AKR1C3: variants seen among roughly 807,000 people sequenced by gnomAD.
AKR1C3 encodes aldo-keto reductase family 1 member C3, also known as 3-alpha hydroxysteroid dehydrogenase, type II.
A neutral mutation model predicts 43.6 loss-of-function variants in AKR1C3; 48 were observed. That is an observed-to-expected ratio of 1.10 (90% confidence interval 0.87 to 1.40). The LOEUF (loss-of-function observed/expected upper bound fraction) is 1.40, where lower values mean the gene tolerates loss of function less well. Ranked by LOEUF, AKR1C3 falls within the 40% of genes most tolerant of loss-of-function variation. The pLI is 0.00. For missense variants in AKR1C3, 482 were observed against 391.2 expected, an observed-to-expected ratio of 1.23 and a Z score of -1.96; for synonymous variants, 162 against 139.6, an observed-to-expected ratio of 1.16 and a Z score of -1.13.
chr10:5,084,873 C>T (rs1311388491), intron 1 of AKR1C3, among the ~76,000 whole-genome samples: 8 of 152,092 alleles, frequency 5.3e-5, no homozygotes, highest in African/African-American at 1.5e-4. Flanking sequence ...ATTTGGCTCT[C>T]TGTTTGTCTT....
intron 1 of AKR1C3, among the ~76,000 whole-genome samples, chr10:5,066,009 G>T (rs1264986888): frequency 6.6e-6 from 1 of 152,054 alleles, no homozygotes; most frequent in East Asian, 1.9e-4. Context: ...GGCCAGGGGT[G>T]GTGTCTTTAC....
Position 5,097,722 on chromosome 10 carries a change from CT to C in AKR1C3, c.369+174del, listed in dbSNP as rs1196070446. ...TCTTTCGAGTAAATTTTGAATCCTA[CT>C]TCTCTAATGCACACCTACAAGAGAA... On this transcript the variant is annotated intron_variant, in intron 3 of 8. Coordinates refer to ENST00000380554, the MANE Select transcript of AKR1C3 (RefSeq NM_003739.6). The C allele has an allele frequency of 5.6e-6, 8 of 1,435,546 alleles. No homozygotes were observed. The African/African-American group carries it at 1.2e-4, about 21-fold the overall frequency. The allele number at this position is 1,435,546 out of a possible 1,614,324, so 88.9% of individuals were successfully genotyped here. A position where few individuals can be genotyped will look rare whatever the true frequency, so the allele number is the denominator to read the frequency against.
intron 1 of AKR1C3, among the ~76,000 whole-genome samples, chr10:5,072,527 T>C (rs1052072336): frequency 6.6e-6 from 1 of 152,240 alleles, no homozygotes. Flanking sequence ...ACTAAGCCTC[T>C]AGCCAGAATT....
Position 5,071,029 on chromosome 10 carries a change from A to G in AKR1C3, c.84+22134A>G, listed in dbSNP as rs151120098. ...GGGTGGTATTGATGGGCTGAAGTGGATTGTCCCAGCTACTCTGGAAACATT... is the reference window on the plus strand; with the variant it reads ...GGGTGGTATTGATGGGCTGAAGTGGGTTGTCCCAGCTACTCTGGAAACATT... On this transcript the variant is annotated intron_variant, in intron 1 of 8. Transcript: ENST00000439082. 1.9e-3 allele frequency among the ~76,000 whole-genome samples: 294 copies of G among 152,272 alleles called. 1 individual carries two copies. The highest frequency in any genetic ancestry group is 6.7e-3 in the African/African-American group (278 of 41,556).
chr10:5,056,523 C>A (rs1054673512), intron 1 of AKR1C3, among the ~76,000 whole-genome samples: 7 of 152,162 alleles, frequency 4.6e-5, no homozygotes, highest in Admixed American at 6.5e-5. Flanking sequence ...AAGGCTTGAG[C>A]TTTCAAATGT....
intron 1 of AKR1C3, among the ~76,000 whole-genome samples, chr10:5,069,874 C>CA (rs532638950): frequency 0.024 from 3,435 of 142,968 alleles, 123 homozygotes; most frequent in African/African-American, 0.079. Flanking sequence ...AACTCTGTCT[C>CA]AAAAAAAAAA....
chr10:5,078,031 A>T lies in AKR1C3; in HGVS notation c.85-18379A>T. ...ACATTGTCAGTGAGCTGAAAATATG[A>T]TTACTATATTTTGTAAATGGAAATA... On this transcript the variant is annotated intron_variant, in intron 1 of 8. Coordinates refer to the AKR1C3 transcript ENST00000439082. 4.5e-6 allele frequency: 3 copies of T among 662,274 alleles called. 1 individual carries two copies. In the South Asian group the frequency reaches 5.0e-5, roughly 11 times the overall value. The allele number at this position is 662,274 out of a possible 1,614,324, so 41.0% of individuals were successfully genotyped here. A position where few individuals can be genotyped will look rare whatever the true frequency, so the allele number is the denominator to read the frequency against.
intron 1 of AKR1C3, among the ~76,000 whole-genome samples, chr10:5,061,267 C>T (rs1348671787): frequency 1.3e-5 from 2 of 152,218 alleles, no homozygotes; most frequent in Non-Finnish European, 2.9e-5. Flanking sequence ...TGATTTCCAG[C>T]TTCTGAAGAA....
At chr10:5,070,051 G>T (rs1838587304) in intron 1 of AKR1C3, among the ~76,000 whole-genome samples, 1 of 152,326 alleles carries the variant, frequency 6.6e-6, no homozygotes, top group South Asian at 2.1e-4. Context: ...AAAAAGAGAA[G>T]ACCCAGGTCC....
At chr10:5,092,479 T>A (rs1839115944), upstream of AKR1C3, among the ~76,000 whole-genome samples, 1 of 82,060 alleles carries the variant, frequency 1.2e-5, no homozygotes, top group Non-Finnish European at 2.4e-5. Flanking sequence ...CACATCTCTT[T>A]ACTCTTTTTT....
At chr10:5,078,151 C>T (rs1244300820) in intron 1 of AKR1C3, among the ~76,000 whole-genome samples, 1 of 152,168 alleles carries the variant, frequency 6.6e-6, no homozygotes, top group Non-Finnish European at 1.5e-5. Flanking sequence ...AAGTCAGGTG[C>T]GGTGGCTCAT....
chr10:5,104,963 G>T (rs928192432), intron 7 of AKR1C3, among the ~76,000 whole-genome samples: 25 of 151,980 alleles, frequency 1.6e-4, no homozygotes, highest in Non-Finnish European at 3.4e-4. Flanking sequence ...CTCATTCTCT[G>T]TATCACTATT....
At chr10:5,061,384 A>G (rs543165042) in intron 1 of AKR1C3, among the ~76,000 whole-genome samples, 1 of 152,248 alleles carries the variant, frequency 6.6e-6, no homozygotes, top group Non-Finnish European at 1.5e-5. Context: ...ATGACCAGGA[A>G]TCCATGGGCT....
chr10:5,069,386 A>G (rs1554781112), intron 1 of AKR1C3, among the ~76,000 whole-genome samples: 1 of 152,250 alleles, frequency 6.6e-6, no homozygotes, highest in East Asian at 1.9e-4. Context: ...TTATGAAAGT[A>G]TATTCAACAT....
rs534918145 is a variant in AKR1C3, at chr10:5,068,752, G to A, written c.84+19857G>A. ...TTCAGGCAGGCAGAGGGGAGAAGAGGCAAGAGCACAGGGAATGCTGGGAGC... is the reference window on the plus strand; with the variant it reads ...TTCAGGCAGGCAGAGGGGAGAAGAGACAAGAGCACAGGGAATGCTGGGAGC... On this transcript the variant is annotated intron_variant, in intron 1 of 8. Transcript: ENST00000439082. Among the ~76,000 whole-genome samples the A allele has an allele frequency of 3.3e-5, 5 of 152,316 alleles. No homozygotes were observed. In the South Asian group the frequency reaches 1.0e-3, roughly 32 times the overall value.
At chr10:5,071,873 A>T (rs77191931) in intron 1 of AKR1C3, among the ~76,000 whole-genome samples, 2,981 of 152,246 alleles carry the variant, frequency 0.02, 110 homozygotes, top group African/African-American at 0.068. Flanking sequence ...GTCTCTGCTC[A>T]GCCTTTCCCT....
chr10:5,097,838 T>C (rs1437740553), intron 3 of AKR1C3: 1 of 1,168,646 alleles, frequency 8.6e-7, no homozygotes, highest in African/African-American at 1.6e-5. Context: ...GGCTTTTGAG[T>C]CCATCTCTTG....
rs7076837 is a variant in AKR1C3 at position 5,068,525 on chromosome 10, A to C, written c.84+19630A>C. Among the ~76,000 whole-genome samples, 822 of 151,582 alleles carry C rather than the reference A, an allele frequency of 5.4e-3. 10 individuals are homozygous for C. The highest frequency in any genetic ancestry group is 0.019 in the African/African-American group (778 of 41,124). Reference sequence around the variant, plus strand: ...ACCTTTTACCAAAAAAAAAAAAAAAACACATTTTACTATTCTTACACATCT... The same window carrying C: ...ACCTTTTACCAAAAAAAAAAAAAAACCACATTTTACTATTCTTACACATCT... On this transcript the variant is annotated intron_variant, in intron 1 of 8. Transcript: ENST00000439082.
At chr10:5,103,124 C>T (rs1487152241) in intron 7 of AKR1C3, among the ~76,000 whole-genome samples, 2 of 152,130 alleles carry the variant, frequency 1.3e-5, no homozygotes, top group African/African-American at 2.4e-5. Flanking sequence ...CTCCTGACCT[C>T]AGGCAACCCA....
Sources: gnomAD v4.1 joint callset for allele counts (sites outside exome capture counted in the v4.1 genomes callset) on GRCh38, gnomAD v4.1.1 for gene constraint, MANE v1.5 for transcripts, NCBI Gene and HGNC (gene_info 2026-07-23, HGNC 2026-07-21) for gene names.